PPP1R9A: variants seen among roughly 807,000 people sequenced by gnomAD.
PPP1R9A encodes the protein neurabin-1.
A neutral mutation model predicts 141.9 loss-of-function variants in PPP1R9A; 59 were observed. The ratio of observed to expected loss-of-function variants is 0.42; its 90% CI spans 0.34 to 0.52. The LOEUF (loss-of-function observed/expected upper bound fraction) is 0.52. Among genes scored for constraint, PPP1R9A ranks in the 20% least tolerant of loss-of-function variants. The pLI is 0.10. For synonymous variants in PPP1R9A, 500 were observed against 569.7 expected (o/e 0.88, Z 1.74); for missense variants, 1,444 against 1,611.9 (o/e 0.90, Z 1.78).
At chr7:95,247,370 T>TAGGC in intron 8 of PPP1R9A, 103 bp from the exon 9 acceptor site, 1 of 888,916 alleles carries the variant, frequency 1.1e-6, no homozygotes, top group South Asian at 1.7e-5. Flanking sequence ...AGCACTTTTC[T>TAGGC]AGGCCTTTTA....
rs1427877447 is a variant in PPP1R9A at position 95,165,712 on chromosome 7, G to A, written c.1754+3741G>A. Among the ~76,000 whole-genome samples the A allele has an allele frequency of 2.0e-5, 3 of 152,198 alleles. No individual in the cohort carries two copies. The East Asian group carries it at 5.8e-4, about 29-fold the overall frequency. On this transcript the variant is annotated intron_variant, in intron 5 of 19. Transcript: ENST00000433360. ...ACTGAAAATGTGGGAGTAGCTTTGG[G>A]ACTGGACTGTTAGTGAGGCTGGAAG...
chr7:95,068,664 C>T (rs954660587), intron 2 of PPP1R9A, among the ~76,000 whole-genome samples: 6 of 151,968 alleles, frequency 3.9e-5, no homozygotes, highest in African/African-American at 1.4e-4. Flanking sequence ...GCTTCCCTTC[C>T]CTAGTCATGT....
chr7:95,054,745 T>C lies in PPP1R9A; in HGVS notation c.1396-56514T>C, dbSNP rs182331503. Among the ~76,000 whole-genome samples the C allele has an allele frequency of 4.6e-5, 7 of 152,296 alleles. No individual in the cohort carries two copies. The East Asian group carries it at 1.4e-3, about 29-fold the overall frequency. On this transcript the variant is annotated intron_variant, in intron 2 of 19. Coordinates refer to ENST00000433360, the MANE Select transcript of PPP1R9A (RefSeq NM_001166160.2). The stretch of plus-strand genomic sequence containing the variant: ...TTTGTACTTGCCCCCAGATGAGCTC[T>C]TCTTCCCAGCACATTGACATTTGTG...
intron 2 of PPP1R9A, among the ~76,000 whole-genome samples, chr7:95,016,222 CAGAT>C (rs1261918509): frequency 6.6e-6 from 1 of 151,296 alleles, no homozygotes; most frequent in East Asian, 1.9e-4. Context: ...GGGCTAGAGA[CAGAT>C]AGATGAAGAA....
At chr7:95,061,127 A>G (rs115259079) in intron 2 of PPP1R9A, among the ~76,000 whole-genome samples, 1,532 of 152,314 alleles carry the variant, frequency 0.01, 28 homozygotes, top group African/African-American at 0.035. Context: ...TAAGAAAATC[A>G]TTTGTGTTAT....
At chr7:95,260,467 T>G (rs551819008) in intron 12 of PPP1R9A, among the ~76,000 whole-genome samples, 1 of 152,126 alleles carries the variant, frequency 6.6e-6, no homozygotes, top group East Asian at 1.9e-4. Context: ...TCACCTGAGG[T>G]CAGGAGTTCA....
At chr7:95,216,077 G>A (rs1793342084) in intron 7 of PPP1R9A, among the ~76,000 whole-genome samples, 1 of 152,156 alleles carries the variant, frequency 6.6e-6, no homozygotes, top group Admixed American at 6.5e-5. Flanking sequence ...TATTGCCTAG[G>A]TTTTCCTCTA....
intron 3 of PPP1R9A, among the ~76,000 whole-genome samples, chr7:95,113,899 A>G: frequency 6.6e-6 from 1 of 152,246 alleles, no homozygotes; most frequent in East Asian, 1.9e-4. Context: ...ATGAAAAAGT[A>G]TGAAGAATAC....
At chr7:95,233,850 C>G (rs1333989944) in intron 8 of PPP1R9A, among the ~76,000 whole-genome samples, 1 of 152,120 alleles carries the variant, frequency 6.6e-6, no homozygotes, top group Non-Finnish European at 1.5e-5. Context: ...GGATTTCATA[C>G]CAGGGATGCA....
chr7:95,216,645 G>T (rs999826055), intron 7 of PPP1R9A, among the ~76,000 whole-genome samples: 1 of 152,150 alleles, frequency 6.6e-6, no homozygotes, highest in Admixed American at 6.5e-5. Flanking sequence ...ATTTCGTTGA[G>T]CAGTGGTTTG....
chr7:95,195,284 T>G (rs1326959403), intron 5 of PPP1R9A, among the ~76,000 whole-genome samples: 2 of 151,644 alleles, frequency 1.3e-5, no homozygotes, highest in Non-Finnish European at 2.9e-5. Context: ...CCATCAGTTT[T>G]TTTTTTTTTT....
intron 2 of PPP1R9A, among the ~76,000 whole-genome samples, chr7:94,916,071 A>G (rs1237785917): frequency 6.6e-6 from 1 of 152,126 alleles, no homozygotes; most frequent in Non-Finnish European, 1.5e-5. Context: ...TCTTACTCCC[A>G]GCTTACCTAT....
chr7:95,161,385 A>C (rs73431030), intron 4 of PPP1R9A, among the ~76,000 whole-genome samples: 12,601 of 152,148 alleles, frequency 0.083, 1,451 homozygotes, highest in African/African-American at 0.26. Context: ...TTTTTAAAAC[A>C]TTAAGTGTTT....
At chr7:95,110,254 T>C (rs1166661524) in intron 2 of PPP1R9A, among the ~76,000 whole-genome samples, 1 of 152,224 alleles carries the variant, frequency 6.6e-6, no homozygotes, top group Non-Finnish European at 1.5e-5. Context: ...GGGCCAGCTT[T>C]GTAGGAAATA....
intron 9 of PPP1R9A, among the ~76,000 whole-genome samples, chr7:95,249,713 C>G (rs1054669299): frequency 6.6e-6 from 1 of 152,070 alleles, no homozygotes; most frequent in Non-Finnish European, 1.5e-5. Context: ...TTGGATATAT[C>G]AAACTCTGAA....
rs946107178 is a variant in PPP1R9A at position 95,228,814 on chromosome 7, A to G, written c.2112+2698A>G. ...TTCATGGAATATATTTGTTTAATTC[A>G]AGCCTTTTTTCTCATCCTCCCTAAA... is the stretch of plus-strand genomic sequence containing the variant. On this transcript the variant is annotated intron_variant, in intron 8 of 19. Transcript: ENST00000433360. Among the ~76,000 whole-genome samples, 18 of 152,304 alleles carry G rather than the reference A, an allele frequency of 1.2e-4. No homozygotes were observed. The East Asian group carries it at 3.3e-3, about 28-fold the overall frequency.
At chr7:95,018,953 A>G (rs540423341) in intron 2 of PPP1R9A, among the ~76,000 whole-genome samples, 3 of 152,344 alleles carry the variant, frequency 2.0e-5, no homozygotes, top group Admixed American at 1.3e-4. Flanking sequence ...AAGGTAATTA[A>G]AAGGGAAAAG....
Position 95,292,618 on chromosome 7 carries a change from TGACA to T in PPP1R9A, c.*2316_*2319del, listed in dbSNP as rs1262532637. On this transcript the variant is annotated 3_prime_UTR_variant, in exon 20 of 20. Coordinates refer to ENST00000433360, the MANE Select transcript of PPP1R9A (RefSeq NM_001166160.2). ...TTGAATGTTTAGATAAATGTCCAAC[TGACA>T]ATGTTATAAATCAAATTCTTATTCC... The T allele has an allele frequency of 6.6e-6, 1 of 152,240 alleles. No homozygotes were observed. Among genetic ancestry groups the T allele is most frequent in the African/African-American group, 2.4e-5 (1 of 41,466 alleles). 9.4% of individuals were successfully genotyped at this position (152,240 alleles called of 1,614,324 possible).
intron 9 of PPP1R9A, among the ~76,000 whole-genome samples, chr7:95,248,300 C>A (rs1156504606): frequency 1.4e-5 from 2 of 146,302 alleles, no homozygotes; most frequent in Non-Finnish European, 3.0e-5. Context: ...ACCACTACCA[C>A]TAATGATCTC....
Sources: allele counts gnomAD v4.1 joint callset (sites outside exome capture counted in the v4.1 genomes callset), GRCh38; gene constraint gnomAD v4.1.1; transcripts MANE v1.5; gene names NCBI Gene and HGNC (gene_info 2026-07-23, HGNC 2026-07-21).